Variants in TRPV4 observed in about 807,000 individuals in gnomAD.
TRPV4 encodes the protein OSM9-like transient receptor potential channel 4.
A neutral mutation model predicts 84.1 loss-of-function variants in TRPV4; 58 were observed. That is an observed-to-expected ratio of 0.69 (90% CI 0.56 to 0.86). TRPV4 has a LOEUF of 0.86. TRPV4 is among the 40% of genes least tolerant of loss of function. The pLI is 0.00. For missense variants in TRPV4, 879 were observed against 1,181.1 expected, an observed-to-expected ratio of 0.74 and a Z score of 3.75; for synonymous variants, 489 against 500.9, an observed-to-expected ratio of 0.98 and a Z score of 0.32.
At chr12:109,829,130 C>T (rs1158421817) in intron 1 of TRPV4, among the ~76,000 whole-genome samples, 1 of 152,066 alleles carries the variant, frequency 6.6e-6, no homozygotes, top group Non-Finnish European at 1.5e-5. Context: ...TATGATCACA[C>T]CACTGCATTC....
chr12:109,783,561 G>A lies in TRPV4; in HGVS notation c.*60C>T, dbSNP rs530189651. 717 of 1,582,830 alleles carry A rather than the reference G, an allele frequency of 4.5e-4. 5 individuals carry two copies. Among genetic ancestry groups the A allele is most frequent in the Non-Finnish European group, 3.0e-5 (35 of 1,162,864 alleles). On this transcript the variant is annotated 3_prime_UTR_variant, in exon 16 of 16. Coordinates refer to ENST00000261740, the MANE Select transcript of TRPV4 (RefSeq NM_021625.5). The surrounding 1 kb of genome is among the most constrained non-coding windows in gnomAD (Gnocchi z 4.6). ...GTGGGGGGACACCCCAGAAGGCACT[G>A]CTGAAATGCGGCTGGACTAGAAATG... is the stretch of plus-strand genomic sequence containing the variant.
At chr12:109,812,329 G>A (rs982597243) in intron 2 of TRPV4, among the ~76,000 whole-genome samples, 6 of 152,202 alleles carry the variant, frequency 3.9e-5, no homozygotes, top group African/African-American at 1.4e-4. Context: ...CTTCTCTCCA[G>A]TCTGTCTTTT....
chr12:109,828,373 G>A (rs1892324327), intron 1 of TRPV4, among the ~76,000 whole-genome samples: 2 of 152,178 alleles, frequency 1.3e-5, no homozygotes, highest in Admixed American at 1.3e-4. Context: ...TGCTCAGGAA[G>A]GGGCTAGGGG....
chr12:109,829,301 C>T (rs1287922122), intron 1 of TRPV4, among the ~76,000 whole-genome samples: 1 of 152,188 alleles, frequency 6.6e-6, no homozygotes, highest in Non-Finnish European at 1.5e-5. Context: ...TCCCCATTGT[C>T]CAGATGAGGA....
Position 109,796,579 on chromosome 12 carries a change from C to A in TRPV4, c.1278G>T (p.Thr426=). Reference sequence around the variant, plus strand: ...CCAGCACGGAGGCCTCTTCCCCACACGTGTCCAGGGAGGAGAGGTCATAAA... The same window carrying A: ...CCAGCACGGAGGCCTCTTCCCCACAAGTGTCCAGGGAGGAGAGGTCATAAA... ...SSLYDLSSLD[T]CGEEASVLEI... Residue 426 remains threonine (T), a synonymous_variant, in exon 7 of 16, where the codon ACG becomes ACT. Transcript: ENST00000261740. The surrounding 1 kb of genome is among the most constrained non-coding windows in gnomAD (Gnocchi z 4.2). 3 of 1,614,200 alleles carry A rather than the reference C, an allele frequency of 1.9e-6. No homozygotes were observed. Among genetic ancestry groups the A allele is most frequent in the Non-Finnish European group, 2.5e-6 (3 of 1,180,028 alleles).
At chr12:109,800,150 G>A (rs1011910743) in intron 5 of TRPV4, among the ~76,000 whole-genome samples, 2 of 152,088 alleles carry the variant, frequency 1.3e-5, no homozygotes, top group Non-Finnish European at 1.5e-5. Context: ...CCATCTTGTT[G>A]GCCAGGCTGG....
At chr12:109,816,104 T>C (rs1891831958) in intron 1 of TRPV4, among the ~76,000 whole-genome samples, 1 of 152,162 alleles carries the variant, frequency 6.6e-6, no homozygotes, top group Non-Finnish European at 1.5e-5. Context: ...AATACGCACG[T>C]AGAAAAACAA....
rs767693473 is a variant in TRPV4 at position 109,798,626 on chromosome 12, C to T, written c.1140G>A (p.Thr380=). The part of the protein sequence containing the change: ...GLSPLMMAAK[T]GKIGIFQHII... ...GCCGCACACTCACCCCAATCTTGCC[C>T]GTCTTGGCAGCCATCATGAGGGGCG... is the stretch of plus-strand genomic sequence containing the variant. The change falls in exon 6 of 16, where the codon ACG becomes ACA. Residue 380 remains threonine, a synonymous_variant. Transcript: ENST00000261740. The surrounding 1 kb of genome is among the most constrained non-coding windows in gnomAD (Gnocchi z 5.0). 5.0e-6 allele frequency: 8 copies of T among 1,611,920 alleles called. No individual in the cohort carries two copies. In the African/African-American group the frequency reaches 5.3e-5, roughly 11 times the overall value.
At chr12:109,811,671 A>G (rs1446183678) in intron 2 of TRPV4, among the ~76,000 whole-genome samples, 1 of 150,688 alleles carries the variant, frequency 6.6e-6, no homozygotes, top group East Asian at 1.9e-4. Flanking sequence ...AAAAAAAAAA[A>G]GAAAAAGAGA....
At chr12:109,794,170 C>A in intron 8 of TRPV4, 148 bp from the exon 9 acceptor site, 1 of 1,175,894 alleles carries the variant, frequency 8.5e-7, no homozygotes, top group Non-Finnish European at 1.2e-6. Context: ...CCTCCCAGCT[C>A]AGGGCCACCC....
chr12:109,820,102 T>C (rs1892033064), intron 1 of TRPV4, among the ~76,000 whole-genome samples: 1 of 152,146 alleles, frequency 6.6e-6, no homozygotes, highest in Non-Finnish European at 1.5e-5. Flanking sequence ...GGCACTGTGC[T>C]AGACTAGGGA....
At position 109,815,591 on chromosome 12, in the gene TRPV4, G is replaced by C. The variant is rs186542911; in HGVS notation, c.-31-764C>G. 6.3e-4 allele frequency among the ~76,000 whole-genome samples: 96 copies of C among 152,272 alleles called. No homozygotes were observed. Among genetic ancestry groups the C allele is most frequent in the African/African-American group, 1.8e-3 (73 of 41,562 alleles). On this transcript the variant is annotated intron_variant, in intron 1 of 15. Coordinates refer to ENST00000261740, the MANE Select transcript of TRPV4 (RefSeq NM_021625.5). This position sits in a 1 kb window ranked among gnomAD's most constrained non-coding sequence, Gnocchi z 4.1. ...TCAACTCCTCCCCACTGGTGTTCCA[G>C]CTCAACTGGGCTCCTCTGGAAAGCC...
intron 12 of TRPV4, among the ~76,000 whole-genome samples, chr12:109,791,181 G>A (rs557423563): frequency 2.0e-5 from 3 of 152,028 alleles, no homozygotes; most frequent in Non-Finnish European, 4.4e-5. Flanking sequence ...TCAGGAGTTC[G>A]AGACCAGCCT....
chr12:109,800,781 C>T (rs1890732503), intron 4 of TRPV4, 23 bp from the exon 5 acceptor site: 1 of 1,607,144 alleles, frequency 6.2e-7, no homozygotes. Context: ...GACGGTCATC[C>T]AGGGTCCTGG....
intron 12 of TRPV4, among the ~76,000 whole-genome samples, chr12:109,791,508 A>G: frequency 7.7e-6 from 1 of 130,184 alleles, no homozygotes; most frequent in East Asian, 2.4e-4. Flanking sequence ...TTTGAGACAG[A>G]GTCTCGCTGT....
intron 2 of TRPV4, among the ~76,000 whole-genome samples, chr12:109,809,371 CATCCATCCACCCATT>C: frequency 6.8e-6 from 1 of 146,924 alleles, no homozygotes; most frequent in African/African-American, 2.5e-5. Flanking sequence ...ACCCACCCAT[CATCCATCCACCCATT>C]CATCCATCCA....
chr12:109,784,324 A>C lies in TRPV4; in HGVS notation c.2450T>G (p.Leu817Arg). 6.2e-7 allele frequency: 1 copy of C among 1,614,110 alleles called. No homozygotes were observed. The highest frequency in any genetic ancestry group is 8.5e-7 in the Non-Finnish European group (1 of 1,180,016). The change falls in exon 15 of 16, where the codon CTC (leucine) becomes CGC (arginine). Residue 817 changes from leucine (L) to arginine (R), a missense_variant. This residue lies in a region of TRPV4 where 242 missense variants were observed against 355.3 expected (regional missense o/e 0.68). Transcript: ENST00000261740. The stretch of plus-strand genomic sequence containing the variant: ...CCCGCCCCTCCACTCACCCCTGCGG[A>C]GGCGGCCCACGGTATGCGAGAAGCC... The part of the protein sequence containing the change: ...YYGFSHTVGR[L>R]RRDRWSSVVP...
intron 1 of TRPV4, among the ~76,000 whole-genome samples, chr12:109,821,859 C>T (rs1399132817): frequency 6.6e-6 from 1 of 152,188 alleles, no homozygotes; most frequent in Non-Finnish European, 1.5e-5. Context: ...TTCATCTTCT[C>T]TCTTCACCTC....
At position 109,792,867 on chromosome 12, in the gene TRPV4, T is replaced by C. The variant is rs368544225; in HGVS notation, c.1659-50A>G. ...AGAGGCCAGAGGGGAGAGGGGACAA[T>C]GAGGCTCTGGAGGGGAAGACACGCC... On this transcript the variant is annotated intron_variant, in intron 10 of 15. Coordinates refer to ENST00000261740, the MANE Select transcript of TRPV4 (RefSeq NM_021625.5). 4 of 1,602,006 alleles carry C rather than the reference T, an allele frequency of 2.5e-6. No individual in the cohort carries two copies. In the African/African-American group the frequency reaches 4.0e-5, roughly 16 times the overall value.
Sources: gnomAD v4.1 joint callset for allele counts (sites outside exome capture counted in the v4.1 genomes callset) on GRCh38, gnomAD v4.1.1 for gene constraint, gnomAD v4.1.1 regional missense constraint, Gnocchi (gnomAD v3.1) non-coding constraint, MANE v1.5 for transcripts, NCBI Gene and HGNC (gene_info 2026-07-23, HGNC 2026-07-21) for gene names.